The following FAM110B variants were observed in gnomAD, a reference collection of about 807,000 sequenced individuals.
FAM110B encodes the protein protein FAM110B.
In FAM110B, 6 loss-of-function variants were observed where a neutral mutation model predicts 20.4. The ratio of observed to expected loss-of-function variants is 0.29; its 90% CI spans 0.16 to 0.58. FAM110B has a LOEUF of 0.58. Among genes scored for constraint, FAM110B ranks in the 20% least tolerant of loss-of-function variants. The pLI is 0.90. For synonymous variants in FAM110B, 226 were observed against 214.1 expected (o/e 1.06, Z -0.49); for missense variants, 434 against 498.2 (o/e 0.87, Z 1.23).
intron 1 of FAM110B, among the ~76,000 whole-genome samples, chr8:58,002,541 G>A (rs1804318755): frequency 6.6e-6 from 1 of 152,116 alleles, no homozygotes; most frequent in African/African-American, 2.4e-5. Context: ...CTGTAAGACA[G>A]TAAGTTCATC....
rs529168248 is a variant in FAM110B, at chr8:58,146,094, C to T, written c.-137C>T. The stretch of plus-strand genomic sequence containing the variant: ...TAATGAGCTGTGAGATGAGGCGCTG[C>T]TGCGGCCGCTGCTGCTGACACTCGC... On this transcript the variant is annotated 5_prime_UTR_variant, in exon 4 of 4. Coordinates refer to ENST00000519262, the MANE Select transcript of FAM110B (RefSeq NM_001377989.1). 3 of 992,812 alleles carry T rather than the reference C, an allele frequency of 3.0e-6. No homozygotes were observed. The highest frequency in any genetic ancestry group is 1.8e-5 in the South Asian group (1 of 55,704). The allele number at this position is 992,812 out of a possible 1,614,324, so 61.5% of individuals were successfully genotyped here. A position where few individuals can be genotyped will look rare whatever the true frequency, so the allele number is the denominator to read the frequency against.
At chr8:58,050,671 A>G (rs1184008902) in intron 2 of FAM110B, among the ~76,000 whole-genome samples, 1 of 152,140 alleles carries the variant, frequency 6.6e-6, no homozygotes, top group Admixed American at 6.6e-5. Context: ...ATCTCTTTGG[A>G]TTCTTTTCTG....
At chr8:58,095,752 G>A (rs1667572969) in intron 3 of FAM110B, among the ~76,000 whole-genome samples, 2 of 152,234 alleles carry the variant, frequency 1.3e-5, no homozygotes, top group Middle Eastern at 6.8e-3. Context: ...CTGTCTATTA[G>A]GTCTGCTTGG....
intron 3 of FAM110B, among the ~76,000 whole-genome samples, chr8:58,088,832 G>A (rs2150602036): frequency 6.6e-6 from 1 of 152,314 alleles, no homozygotes; most frequent in South Asian, 2.1e-4. Flanking sequence ...CTCATGGGGT[G>A]CAACATGTAC....
intron 2 of FAM110B, among the ~76,000 whole-genome samples, chr8:58,036,837 T>C (rs1805083209): frequency 6.6e-6 from 1 of 152,222 alleles, no homozygotes; most frequent in South Asian, 2.1e-4. Flanking sequence ...TGTATTTTAA[T>C]ATGTAGTAGT....
chr8:58,027,446 T>C (rs568645173), intron 1 of FAM110B, among the ~76,000 whole-genome samples: 79 of 152,212 alleles, frequency 5.2e-4, no homozygotes, highest in African/African-American at 1.8e-3. Flanking sequence ...AAAGCACTTT[T>C]GTGAGTTACA....
rs189114712 is a variant in FAM110B, at chr8:58,084,805, G to C, written c.-325+9182G>C. Among the ~76,000 whole-genome samples the C allele has an allele frequency of 8.6e-4, 131 of 152,250 alleles. 3 individuals carry two copies. The highest frequency in any genetic ancestry group is 2.4e-4 in the Non-Finnish European group (16 of 68,032). On this transcript the variant is annotated intron_variant, in intron 3 of 3. Coordinates refer to ENST00000519262, the MANE Select transcript of FAM110B (RefSeq NM_001377989.1). The stretch of plus-strand genomic sequence containing the variant: ...GCTTCACTCTTTACCTATTCATGGG[G>C]ATTATGTCCCTAGAGGCTGCTGTCA...
intron 1 of FAM110B, among the ~76,000 whole-genome samples, chr8:58,008,607 CTT>C (rs1804463473): frequency 6.6e-6 from 1 of 152,196 alleles, no homozygotes; most frequent in African/African-American, 2.4e-5. Context: ...AGAATCCTCT[CTT>C]CTAGCTATTT....
intron 2 of FAM110B, among the ~76,000 whole-genome samples, chr8:58,063,352 G>C (rs1805694194): frequency 6.6e-6 from 1 of 152,138 alleles, no homozygotes; most frequent in Admixed American, 6.6e-5. Context: ...GCCATGCAAA[G>C]ATAAAAACTA....
chr8:58,012,840 G>A (rs1804566048), intron 1 of FAM110B, among the ~76,000 whole-genome samples: 1 of 152,188 alleles, frequency 6.6e-6, no homozygotes, highest in African/African-American at 2.4e-5. Flanking sequence ...GAGGGACAGG[G>A]TCTAAATGGC....
chr8:58,122,120 G>A (rs552485588), intron 3 of FAM110B, among the ~76,000 whole-genome samples: 4 of 152,128 alleles, frequency 2.6e-5, no homozygotes, highest in Admixed American at 6.6e-5. Flanking sequence ...GCATAAAACT[G>A]TAGGTTAATG....
intron 3 of FAM110B, among the ~76,000 whole-genome samples, chr8:58,129,639 C>T (rs1229299844): frequency 2.6e-5 from 4 of 152,162 alleles, no homozygotes; most frequent in African/African-American, 9.7e-5. Context: ...GCTCGAGGCT[C>T]AGGACCATAA....
intron 3 of FAM110B, among the ~76,000 whole-genome samples, chr8:58,125,675 G>T (rs958321740): frequency 6.6e-6 from 1 of 152,174 alleles, no homozygotes; most frequent in African/African-American, 2.4e-5. Context: ...TATGACAAAT[G>T]TGAGAGCCCA....
At chr8:58,115,861 C>A (rs913640506) in intron 3 of FAM110B, among the ~76,000 whole-genome samples, 1 of 152,148 alleles carries the variant, frequency 6.6e-6, no homozygotes, top group Non-Finnish European at 1.5e-5. Flanking sequence ...GTAGTGTTAG[C>A]AGAGGTAGAA....
intron 3 of FAM110B, among the ~76,000 whole-genome samples, chr8:58,117,261 G>A (rs922084420): frequency 6.6e-6 from 1 of 152,206 alleles, no homozygotes; most frequent in Non-Finnish European, 1.5e-5. Context: ...GTGCTTTCTT[G>A]ATGGCAGCTG....
chr8:58,111,940 T>TAC (rs2150619792), intron 3 of FAM110B, among the ~76,000 whole-genome samples: 1 of 152,356 alleles, frequency 6.6e-6, no homozygotes, highest in Non-Finnish European at 1.5e-5. Flanking sequence ...TAGTTACACT[T>TAC]CAAGCAAAAG....
At chr8:58,005,976 A>G (rs141007366) in intron 1 of FAM110B, among the ~76,000 whole-genome samples, 1 of 152,228 alleles carries the variant, frequency 6.6e-6, no homozygotes, top group East Asian at 1.9e-4. Context: ...AGGGCTCTTT[A>G]TCATTTTTTT....
chr8:58,140,457 A>C (rs192815655), intron 3 of FAM110B, among the ~76,000 whole-genome samples: 2 of 152,232 alleles, frequency 1.3e-5, no homozygotes, highest in East Asian at 3.9e-4. Context: ...AGGCTACTCA[A>C]CCATTACGGG....
intron 2 of FAM110B, among the ~76,000 whole-genome samples, chr8:58,071,761 A>G (rs1805901353): frequency 6.6e-6 from 1 of 152,204 alleles, no homozygotes; most frequent in Non-Finnish European, 1.5e-5. Context: ...CTATAATAAG[A>G]AAGTTTGATA....
Sources: gnomAD v4.1 joint callset for allele counts (sites outside exome capture counted in the v4.1 genomes callset) on GRCh38, gnomAD v4.1.1 for gene constraint, MANE v1.5 for transcripts, NCBI Gene and HGNC (gene_info 2026-07-23, HGNC 2026-07-21) for gene names.